Variants in LRRK1 observed in about 807,000 individuals in gnomAD.
LRRK1 encodes the protein leucine rich repeat kinase 1, also known as leucine-rich repeat serine/threonine-protein kinase 1.
Under a neutral mutation model 209.1 loss-of-function variants are expected in LRRK1, and 113 were observed. The observed-to-expected ratio is 0.54, with a 90% CI of 0.46 to 0.63. The LOEUF (loss-of-function observed/expected upper bound fraction) is 0.63. LRRK1 is among the 30% of genes least tolerant of loss of function. The pLI, the probability that LRRK1 is intolerant of heterozygous loss-of-function variation, is 0.00. For missense variants in LRRK1, 2,284 were observed against 2,632.2 expected (o/e 0.87, Z 2.89); for synonymous variants, 1,144 against 1,099.7 (o/e 1.04, Z -0.80).
chr15:101,008,142 C>CAAA (rs796213769), intron 6 of LRRK1, among the ~76,000 whole-genome samples: 69 of 74,156 alleles, frequency 9.3e-4, no homozygotes, highest in African/African-American at 1.7e-3. Context: ...GACTCCATCT[C>CAAA]AAAAAAAAAA....
chr15:100,962,820 T>TAC, intron 2 of LRRK1, among the ~76,000 whole-genome samples: 1 of 27,488 alleles, frequency 3.6e-5, no homozygotes, highest in South Asian at 1.1e-3. Context: ...TATATATATA[T>TAC]ATATTTTTTT....
chr15:101,001,943 C>T (rs906895102), intron 6 of LRRK1, among the ~76,000 whole-genome samples: 14 of 152,112 alleles, frequency 9.2e-5, no homozygotes, highest in African/African-American at 2.9e-4. Context: ...TCCGGCAAGG[C>T]TGCTCTTGAC....
intron 3 of LRRK1, 125 bp from the exon 4 acceptor site, chr15:100,983,403 G>A (rs984596942): frequency 1.3e-6 from 1 of 793,942 alleles, no homozygotes; most frequent in Non-Finnish European, 1.9e-6. Flanking sequence ...CACTTGGCAG[G>A]TGCTGCCGTT....
intron 33 of LRRK1, chr15:101,067,521 C>A (rs185729998): frequency 3.7e-6 from 1 of 273,268 alleles, no homozygotes; most frequent in East Asian, 9.0e-5. Context: ...TGAGTTATCC[C>A]CCATCCCTGG....
At chr15:101,057,089 G>A (rs1354109991) in intron 28 of LRRK1, 39 bp downstream of exon 28, 3 of 1,521,092 alleles carry the variant, frequency 2.0e-6, no homozygotes, top group South Asian at 1.3e-5. Flanking sequence ...GGGACCTCCT[G>A]CCATGTGAGG....
intron 2 of LRRK1, among the ~76,000 whole-genome samples, chr15:100,970,091 T>C (rs2030762585): frequency 6.6e-6 from 1 of 152,180 alleles, no homozygotes; most frequent in African/African-American, 2.4e-5. Context: ...GGTTTCACCA[T>C]GTTGGCCTGG....
At chr15:101,015,250 GCATTA>G in intron 11 of LRRK1, 71 bp from the exon 12 acceptor site, 1 of 1,175,790 alleles carries the variant, frequency 8.5e-7, no homozygotes, top group African/African-American at 1.5e-5. Context: ...CCGTGGCTTG[GCATTA>G]TAACATCACA....
chr15:100,931,293 C>T (rs190268011), intron 2 of LRRK1, among the ~76,000 whole-genome samples: 48 of 152,262 alleles, frequency 3.2e-4, no homozygotes, highest in Admixed American at 1.2e-3. Flanking sequence ...ACCCAGGGGC[C>T]GTGGCACATT....
Position 100,984,900 on chromosome 15 carries a change from C to G in LRRK1, c.433+1201C>G, listed in dbSNP as rs8041269. 7.8e-3 allele frequency among the ~76,000 whole-genome samples: 1,191 copies of G among 152,260 alleles called. 16 individuals are homozygous for G. The highest frequency in any genetic ancestry group is 0.028 in the African/African-American group (1,144 of 41,550). ...TGAGATTTTGCTTGGGAGCCAGGGC[C>G]CACCTCTTGGGTGGGAGAACATGCA... is the stretch of plus-strand genomic sequence containing the variant. On this transcript the variant is annotated intron_variant, in intron 4 of 33. Transcript: ENST00000388948.
intron 2 of LRRK1, among the ~76,000 whole-genome samples, chr15:100,969,065 C>T (rs774194003): frequency 6.6e-6 from 1 of 152,148 alleles, no homozygotes; most frequent in African/African-American, 2.4e-5. Context: ...GTCTCAAACT[C>T]CTAGGCTCAA....
At chr15:100,993,399 T>C (rs912440859) in intron 6 of LRRK1, among the ~76,000 whole-genome samples, 1 of 152,186 alleles carries the variant, frequency 6.6e-6, no homozygotes, top group Non-Finnish European at 1.5e-5. Context: ...CAAGTACATA[T>C]ATTTATTTCC....
At chr15:100,973,618 C>T (rs1209492029) in intron 2 of LRRK1, among the ~76,000 whole-genome samples, 186 bp from the exon 3 acceptor site, 1 of 152,170 alleles carries the variant, frequency 6.6e-6, no homozygotes, top group Admixed American at 6.5e-5. Flanking sequence ...TCGCAGCGGC[C>T]CCGGTTGGGT....
intron 2 of LRRK1, among the ~76,000 whole-genome samples, chr15:100,969,467 T>G (rs2030713377): frequency 6.6e-6 from 1 of 152,174 alleles, no homozygotes; most frequent in Non-Finnish European, 1.5e-5. Flanking sequence ...GGTCCATGAT[T>G]CATCTCAGTT....
intron 15 of LRRK1, among the ~76,000 whole-genome samples, chr15:101,023,974 C>T (rs1435191627): frequency 6.6e-6 from 1 of 152,202 alleles, no homozygotes; most frequent in African/African-American, 2.4e-5. Context: ...CTCATTTCTT[C>T]TCTTAGCTTC....
In LRRK1 at chr15:101,062,518, G is replaced by T; in HGVS notation, c.4798-56G>T. On this transcript the variant is annotated intron_variant, in intron 30 of 33. Transcript: ENST00000388948. ...GTGCATCCTCATGGGAATGGCTTGGGAAATGCCAGACACTTTCCAGCCTGG... is the reference window on the plus strand; with the variant it reads ...GTGCATCCTCATGGGAATGGCTTGGTAAATGCCAGACACTTTCCAGCCTGG... 4 of 1,255,658 alleles carry T rather than the reference G, an allele frequency of 3.2e-6. No individual in the cohort carries two copies. The South Asian group carries it at 4.8e-5, about 15-fold the overall frequency. 77.8% of individuals were successfully genotyped at this position (1,255,658 alleles called of 1,614,324 possible). A position where few individuals can be genotyped will look rare whatever the true frequency, so the allele number is the denominator to read the frequency against.
rs766274381 is a variant in LRRK1 at position 101,065,378 on chromosome 15, C to T, written c.4941C>T (p.Leu1647=). 5.3e-5 allele frequency: 86 copies of T among 1,613,800 alleles called. No homozygotes were observed. Among genetic ancestry groups the T allele is most frequent in the Non-Finnish European group, 6.9e-5 (82 of 1,180,000 alleles). Residue 1647 remains leucine (L), a synonymous_variant, in exon 32 of 34, where the codon CTC becomes CTT. Coordinates refer to ENST00000388948, the MANE Select transcript of LRRK1 (RefSeq NM_024652.6). Reference sequence around the variant, plus strand: ...ATTCCTACCTGGTCTTAGCGGGCCTCGCCGATGGGCTTGTGGCTGTGTTTC... The same window carrying T: ...ATTCCTACCTGGTCTTAGCGGGCCTTGCCGATGGGCTTGTGGCTGTGTTTC... ...KKNSYLVLAG[L]ADGLVAVFPV...
intron 4 of LRRK1, 93 bp downstream of exon 4, chr15:100,983,792 A>G (rs751545310): frequency 3.2e-6 from 4 of 1,260,558 alleles, no homozygotes; most frequent in Non-Finnish European, 4.6e-6. Context: ...GCTTTCACCA[A>G]TAATGAGATC....
intron 2 of LRRK1, among the ~76,000 whole-genome samples, chr15:100,934,805 A>AAAAAC (rs2042270918): frequency 7.5e-6 from 1 of 133,118 alleles, no homozygotes; most frequent in Non-Finnish European, 1.5e-5. Flanking sequence ...ACTGTCTCAA[A>AAAAAC]AAAAAAAAAA....
At chr15:100,963,879 C>G (rs981784045) in intron 2 of LRRK1, among the ~76,000 whole-genome samples, 2 of 152,294 alleles carry the variant, frequency 1.3e-5, no homozygotes, top group South Asian at 4.1e-4. Flanking sequence ...GTCAGGTGGA[C>G]ATAACATAGC....
Sources: allele counts gnomAD v4.1 joint callset (sites outside exome capture counted in the v4.1 genomes callset), GRCh38; gene constraint gnomAD v4.1.1; transcripts MANE v1.5; gene names NCBI Gene and HGNC (gene_info 2026-07-23, HGNC 2026-07-21).